PCCA: variants seen among roughly 807,000 people sequenced by gnomAD.
The protein encoded by PCCA is propionyl-CoA carboxylase alpha chain, mitochondrial.
PCCA carries 74 observed loss-of-function variants against 101.3 expected under a neutral mutation model. The ratio of observed to expected loss-of-function variants is 0.73; its 90% confidence interval spans 0.61 to 0.89. The LOEUF (loss-of-function observed/expected upper bound fraction) is 0.89. Among genes scored for constraint, PCCA ranks in the 40% least tolerant of loss-of-function variants. The pLI, the probability that PCCA is intolerant of heterozygous loss-of-function variation, is 0.00. For synonymous variants in PCCA, 294 were observed against 313.6 expected (o/e 0.94, Z 0.66); for missense variants, 891 against 907.0 (o/e 0.98, Z 0.23).
At chr13:100,425,196 TTAAGA>T (rs1567114530) in intron 19 of PCCA, among the ~76,000 whole-genome samples, 2 of 152,234 alleles carry the variant, frequency 1.3e-5, no homozygotes, top group African/African-American at 4.8e-5. Context: ...TTCTGTTTAA[TTAAGA>T]TAACAATGCA....
In PCCA at chr13:100,102,922, C is replaced by T. The variant is rs148651921; in HGVS notation, c.145C>T (p.Arg49Cys). The T allele has an allele frequency of 4.0e-4, 649 of 1,611,538 alleles. 4 individuals are homozygous for T. In the African/African-American group the frequency reaches 7.7e-3, roughly 19 times the overall value. The change falls in exon 2 of 24, where the codon CGT becomes TGT. Residue 49 changes from arginine to cysteine, a missense_variant. Transcript: ENST00000376285. ...TTCAAGACAGTGCTTAATGGTGTCC[C>T]GTAATCTTGGTTCAGTGGGATATGA... ...YYSRQCLMVS[R>C]NLGSVGYDPN...
intron 4 of PCCA, among the ~76,000 whole-genome samples, chr13:100,113,288 A>T (rs566355061): frequency 6.6e-6 from 1 of 152,328 alleles, no homozygotes; most frequent in South Asian, 2.1e-4. Context: ...ATCTAAACAC[A>T]GAAAAGGTAC....
At chr13:100,095,419 G>A (rs1486026611) in intron 1 of PCCA, among the ~76,000 whole-genome samples, 1 of 152,178 alleles carries the variant, frequency 6.6e-6, no homozygotes, top group Non-Finnish European at 1.5e-5. Context: ...CTCCCATTGT[G>A]GTTACATTTG....
At position 100,231,979 on chromosome 13, in the gene PCCA, G is replaced by A. The variant is rs56868929; in HGVS notation, c.601-3863G>A. On this transcript the variant is annotated intron_variant, in intron 7 of 23. Coordinates refer to ENST00000376285, the MANE Select transcript of PCCA (RefSeq NM_000282.4). ...TGTCTTAATGTAGGTAAGGTCATAC[G>A]CTATGTACTCCAACTTGCTACCCCC... 7.8e-3 allele frequency among the ~76,000 whole-genome samples: 1,193 copies of A among 152,152 alleles called. 17 individuals carry two copies. Among genetic ancestry groups the A allele is most frequent in the African/African-American group, 0.027 (1,138 of 41,496 alleles).
chr13:100,169,392 G>A (rs1427548485), intron 6 of PCCA, among the ~76,000 whole-genome samples: 2 of 147,914 alleles, frequency 1.4e-5, no homozygotes, highest in African/African-American at 5.0e-5. Flanking sequence ...AGTGAGCTGA[G>A]ATCGTGCCAC....
chr13:100,396,010 A>T (rs2077029405), intron 19 of PCCA, among the ~76,000 whole-genome samples: 1 of 152,258 alleles, frequency 6.6e-6, no homozygotes, highest in African/African-American at 2.4e-5. Flanking sequence ...ATCTACCATC[A>T]GCATTTACCC....
intron 18 of PCCA, among the ~76,000 whole-genome samples, chr13:100,346,090 GC>G (rs2152764629): frequency 6.6e-6 from 1 of 152,270 alleles, no homozygotes; most frequent in East Asian, 1.9e-4. Context: ...TTTCACGCCT[GC>G]TAACACAACG....
At chr13:100,154,482 C>G (rs1029848219) in intron 4 of PCCA, 1 of 156,984 alleles carries the variant, frequency 6.4e-6, no homozygotes, top group African/African-American at 2.4e-5. Flanking sequence ...TGAACTCTTT[C>G]TTTCGTCTTA....
intron 21 of PCCA, among the ~76,000 whole-genome samples, chr13:100,477,158 G>C (rs980518064): frequency 3.3e-5 from 5 of 152,164 alleles, no homozygotes. Flanking sequence ...TCTCGGCACA[G>C]TTTCTGGGTC....
intron 18 of PCCA, among the ~76,000 whole-genome samples, chr13:100,363,339 C>T (rs2074838275): frequency 6.6e-6 from 1 of 151,778 alleles, no homozygotes; most frequent in African/African-American, 2.4e-5. Context: ...AGTGGGCCAT[C>T]TGTCTAAACA....
At chr13:100,237,506 G>A (rs2060874175) in intron 8 of PCCA, 1 of 152,056 alleles carries the variant, frequency 6.6e-6, no homozygotes, top group Non-Finnish European at 1.5e-5. Flanking sequence ...AACTGATTCT[G>A]TGGTTTCTTT....
intron 18 of PCCA, among the ~76,000 whole-genome samples, chr13:100,362,554 A>C: frequency 6.6e-6 from 1 of 152,180 alleles, no homozygotes; most frequent in East Asian, 1.9e-4. Flanking sequence ...GCACTTGGTC[A>C]GTGAGACATG....
intron 2 of PCCA, among the ~76,000 whole-genome samples, chr13:100,111,550 A>G (rs760307412): frequency 5.9e-5 from 9 of 152,194 alleles, no homozygotes; most frequent in Non-Finnish European, 1.3e-4. Context: ...GAATACATTA[A>G]CCTACTATGC....
intron 4 of PCCA, among the ~76,000 whole-genome samples, chr13:100,117,543 C>T (rs556579632): frequency 1.2e-4 from 18 of 151,438 alleles, no homozygotes; most frequent in East Asian, 3.9e-4. Context: ...AAACACTGCA[C>T]GTTCTCACTC....
intron 18 of PCCA, among the ~76,000 whole-genome samples, chr13:100,353,690 C>T (rs2073565332): frequency 6.6e-6 from 1 of 152,160 alleles, no homozygotes; most frequent in South Asian, 2.1e-4. Context: ...AAGTGGCTTA[C>T]ATTTGTAATC....
chr13:100,254,879 C>G (rs1384209849), intron 8 of PCCA, among the ~76,000 whole-genome samples: 1 of 151,396 alleles, frequency 6.6e-6, no homozygotes, highest in Non-Finnish European at 1.5e-5. Flanking sequence ...GCCAGGAGTT[C>G]CAGACCAATG....
intron 21 of PCCA, among the ~76,000 whole-genome samples, chr13:100,510,338 G>A (rs555215337): frequency 6.6e-6 from 1 of 152,332 alleles, no homozygotes; most frequent in Admixed American, 6.5e-5. Context: ...CAAGCAAGCA[G>A]TTTAGAGGTA....
At chr13:100,366,918 T>C (rs889624143) in intron 18 of PCCA, among the ~76,000 whole-genome samples, 3 of 152,186 alleles carry the variant, frequency 2.0e-5, no homozygotes, top group African/African-American at 7.2e-5. Context: ...TAATCAGATA[T>C]TGAATCTAGA....
intron 6 of PCCA, among the ~76,000 whole-genome samples, chr13:100,187,434 C>G (rs915049424): frequency 6.6e-6 from 1 of 152,084 alleles, no homozygotes; most frequent in African/African-American, 2.4e-5. Context: ...AGTCTGTTCA[C>G]TTTCATCAAG....
Sources: gnomAD v4.1 joint callset for allele counts (sites outside exome capture counted in the v4.1 genomes callset) on GRCh38, gnomAD v4.1.1 for gene constraint, MANE v1.5 for transcripts, NCBI Gene and HGNC (gene_info 2026-07-23, HGNC 2026-07-21) for gene names.